Variants in PTPRG observed in about 807,000 individuals in gnomAD.
PTPRG encodes the protein receptor-type tyrosine-protein phosphatase gamma.
In PTPRG, 102 loss-of-function variants were observed where a neutral mutation model predicts 165.3. That is an observed-to-expected ratio of 0.62 (90% CI 0.53 to 0.73). PTPRG has a LOEUF of 0.73. Among genes scored for constraint, PTPRG ranks in the 30% least tolerant of loss-of-function variants. PTPRG has a pLI of 0.00. For synonymous variants in PTPRG, 675 were observed against 669.5 expected, an observed-to-expected ratio of 1.01 and a Z score of -0.13; for missense variants, 1,866 against 1,861.4, an observed-to-expected ratio of 1.00 and a Z score of -0.05.
chr3:62,153,992 C>T (rs1375370209), intron 6 of PTPRG, among the ~76,000 whole-genome samples: 3 of 152,234 alleles, frequency 2.0e-5, no homozygotes, highest in African/African-American at 7.2e-5. Context: ...CCATGTGAGT[C>T]TCTGTATTCT....
At chr3:61,585,835 G>T (rs1700422199) in intron 1 of PTPRG, among the ~76,000 whole-genome samples, 1 of 152,240 alleles carries the variant, frequency 6.6e-6, no homozygotes, top group Admixed American at 6.5e-5. Context: ...GAATGATGAA[G>T]ATCCAAGTTC....
chr3:61,630,111 A>G (rs556213308), intron 1 of PTPRG, among the ~76,000 whole-genome samples: 1 of 152,328 alleles, frequency 6.6e-6, no homozygotes, highest in African/African-American at 2.4e-5. Context: ...TTAGGGTGCT[A>G]GGAATTGGTT....
chr3:62,195,747 A>C lies in PTPRG; in HGVS notation c.1327+577A>C, dbSNP rs894951012. ...TTTGCTCAAAATTTTAAGGGGCACC[A>C]AAAAATTGAGTGACCAAGAGACATA... is the stretch of plus-strand genomic sequence containing the variant. On this transcript the variant is annotated intron_variant, in intron 10 of 29. Coordinates refer to ENST00000474889, the MANE Select transcript of PTPRG (RefSeq NM_002841.4). This position sits in a 1 kb window ranked among gnomAD's most constrained non-coding sequence, Gnocchi z 4.4. 6.6e-6 allele frequency among the ~76,000 whole-genome samples: 1 copy of C among 152,156 alleles called. No individual in the cohort carries two copies. The highest frequency in any genetic ancestry group is 1.5e-5 in the Non-Finnish European group (1 of 68,032).
chr3:61,569,874 T>G lies in PTPRG; in HGVS notation c.85+7502T>G, dbSNP rs138453896. ...GAAAGTCCTCATGAAGTCTGAGATATCACCTTGCCCACATTGCAAAGGAGG... is the reference window on the plus strand; with the variant it reads ...GAAAGTCCTCATGAAGTCTGAGATAGCACCTTGCCCACATTGCAAAGGAGG... On this transcript the variant is annotated intron_variant, in intron 1 of 29. Transcript: ENST00000474889. Among the ~76,000 whole-genome samples, 294 of 152,334 alleles carry G rather than the reference T, an allele frequency of 1.9e-3. 2 individuals are homozygous for G. The highest frequency in any genetic ancestry group is 5.9e-3 in the African/African-American group (246 of 41,574).
intron 2 of PTPRG, among the ~76,000 whole-genome samples, chr3:61,963,035 C>T (rs966268806): frequency 3.3e-5 from 5 of 152,144 alleles, no homozygotes; most frequent in Non-Finnish European, 5.9e-5. Context: ...CCTATCCTCC[C>T]ACAGGTAACC....
At chr3:61,595,625 G>A (rs1259075659) in intron 1 of PTPRG, among the ~76,000 whole-genome samples, 2 of 152,184 alleles carry the variant, frequency 1.3e-5, no homozygotes, top group Non-Finnish European at 2.9e-5. Flanking sequence ...TCATAGGCTA[G>A]TAGGCTGGAA....
intron 1 of PTPRG, among the ~76,000 whole-genome samples, chr3:61,602,514 C>T (rs534134229): frequency 7.2e-5 from 11 of 152,264 alleles, no homozygotes; most frequent in East Asian, 1.9e-4. Context: ...TTTCAAATTA[C>T]GCCTGTATTG....
At chr3:61,691,973 G>T (rs931237575) in intron 1 of PTPRG, among the ~76,000 whole-genome samples, 2 of 152,194 alleles carry the variant, frequency 1.3e-5, no homozygotes, top group African/African-American at 4.8e-5. Flanking sequence ...ATTTTCGGTT[G>T]CAGAGAGTAT....
At chr3:62,200,118 C>T (rs142476845) in intron 10 of PTPRG, among the ~76,000 whole-genome samples, 2 of 152,014 alleles carry the variant, frequency 1.3e-5, no homozygotes, top group African/African-American at 4.8e-5. Context: ...TTCTTCAATG[C>T]GTGTAGAGTT....
chr3:62,160,864 AT>A lies in PTPRG; in HGVS notation c.840+3664del, dbSNP rs5849464. Among the ~76,000 whole-genome samples, 452 of 103,962 alleles carry A rather than the reference AT, an allele frequency of 4.3e-3. 5 individuals are homozygous for A. The highest frequency in any genetic ancestry group is 0.022 in the South Asian group (60 of 2,762). 68.2% of individuals were successfully genotyped at this position (103,962 alleles called of 152,430 possible). A position where few individuals can be genotyped will look rare whatever the true frequency, so the allele number is the denominator to read the frequency against. ...TACTTTGTTTACCTTTAGATGTGTG[AT>A]TTTTTTTTTTTTTTTTTTTTTTTCT... On this transcript the variant is annotated intron_variant, in intron 7 of 29. Transcript: ENST00000474889.
intron 2 of PTPRG, among the ~76,000 whole-genome samples, chr3:61,871,128 A>ACGTTATGTTGTGTTG: frequency 1.6e-5 from 2 of 123,146 alleles, no homozygotes; most frequent in South Asian, 5.8e-4. Flanking sequence ...ATGTTATGTT[A>ACGTTATGTTGTGTTG]TGTTGTGTTG....
At chr3:62,198,128 AAT>A (rs1700013784) in intron 10 of PTPRG, among the ~76,000 whole-genome samples, 1 of 152,248 alleles carries the variant, frequency 6.6e-6, no homozygotes, top group Non-Finnish European at 1.5e-5. Flanking sequence ...CATTGCAATA[AAT>A]ATGTTTACCT....
intron 2 of PTPRG, among the ~76,000 whole-genome samples, chr3:61,869,263 G>A (rs933629439): frequency 9.2e-5 from 14 of 152,026 alleles, no homozygotes; most frequent in African/African-American, 3.4e-4. Context: ...TTTCTATTTT[G>A]GCTCAAGAGC....
chr3:61,657,562 C>T (rs1010926741), intron 1 of PTPRG, among the ~76,000 whole-genome samples: 4 of 152,110 alleles, frequency 2.6e-5, no homozygotes, highest in Non-Finnish European at 1.5e-5. Flanking sequence ...TCAGTTGAAC[C>T]CAGGAGGTGT....
intron 2 of PTPRG, among the ~76,000 whole-genome samples, chr3:61,788,119 G>C (rs2034764806): frequency 6.6e-6 from 1 of 152,118 alleles, no homozygotes; most frequent in Non-Finnish European, 1.5e-5. Context: ...CCTTTTCCCA[G>C]TTTAAAAGTG....
intron 1 of PTPRG, among the ~76,000 whole-genome samples, chr3:61,639,339 T>C (rs982952887): frequency 3.3e-5 from 5 of 152,224 alleles, no homozygotes; most frequent in African/African-American, 9.6e-5. Context: ...AATTAAGTAA[T>C]GTGATGCATC....
intron 2 of PTPRG, among the ~76,000 whole-genome samples, chr3:61,849,553 C>A (rs1007409761): frequency 1.3e-5 from 2 of 152,150 alleles, no homozygotes; most frequent in African/African-American, 4.8e-5. Flanking sequence ...AGCCCAGGTG[C>A]TGCTAAAGGT....
chr3:62,084,952 T>C (rs1701697647), intron 5 of PTPRG, among the ~76,000 whole-genome samples: 1 of 152,224 alleles, frequency 6.6e-6, no homozygotes, highest in African/African-American at 2.4e-5. Flanking sequence ...TAGGCTCCAT[T>C]GTCTAGATTG....
At chr3:61,618,588 T>G (rs1160480818) in intron 1 of PTPRG, among the ~76,000 whole-genome samples, 2 of 152,158 alleles carry the variant, frequency 1.3e-5, no homozygotes, top group African/African-American at 2.4e-5. Context: ...TAGCAGTGGA[T>G]GTCGAGGGGA....
Sources: allele counts gnomAD v4.1 joint callset (sites outside exome capture counted in the v4.1 genomes callset), GRCh38; gene constraint gnomAD v4.1.1; non-coding constraint Gnocchi (gnomAD v3.1); transcripts MANE v1.5; gene names NCBI Gene and HGNC (gene_info 2026-07-23, HGNC 2026-07-21).